Variants in PTCHD4 observed in about 807,000 individuals in gnomAD.
The protein encoded by PTCHD4 is patched domain containing 4.
A neutral mutation model predicts 58.1 loss-of-function variants in PTCHD4; 33 were observed. The observed-to-expected ratio is 0.57, with a 90% CI of 0.43 to 0.76. The LOEUF (loss-of-function observed/expected upper bound fraction) is 0.76. Among genes scored for constraint, PTCHD4 ranks in the 30% least tolerant of loss-of-function variants. The probability of loss-of-function intolerance (pLI) is 0.00; values close to 1 mark genes in which losing one functional copy is unlikely to be tolerated. For missense variants in PTCHD4, 1,058 were observed against 1,027.1 expected (o/e 1.03, Z -0.41); for synonymous variants, 478 against 409.6 (o/e 1.17, Z -2.02).
intron 1 of PTCHD4, among the ~76,000 whole-genome samples, chr6:48,083,274 T>C (rs1765200647): frequency 1.3e-5 from 2 of 151,904 alleles, no homozygotes; most frequent in South Asian, 4.1e-4. Context: ...TGGGTAACTA[T>C]ATAACAAGAG....
intron 3 of PTCHD4, among the ~76,000 whole-genome samples, chr6:48,064,009 G>A (rs1413233200): frequency 3.9e-5 from 6 of 152,146 alleles, no homozygotes; most frequent in East Asian, 1.9e-4. Flanking sequence ...TAAGAAGCAG[G>A]AAAGTCTATC....
intron 4 of PTCHD4, among the ~76,000 whole-genome samples, chr6:47,893,590 T>C (rs1309209082): frequency 6.6e-6 from 1 of 152,250 alleles, no homozygotes; most frequent in Non-Finnish European, 1.5e-5. Flanking sequence ...AACTACTCCA[T>C]GGCTCGATTT....
chr6:48,098,216 C>T (rs1055307326), intron 1 of PTCHD4, among the ~76,000 whole-genome samples: 12 of 152,002 alleles, frequency 7.9e-5, no homozygotes, highest in African/African-American at 1.4e-4. Context: ...ACTGAAGTTC[C>T]GATGCAAGGT....
intron 3 of PTCHD4, among the ~76,000 whole-genome samples, chr6:48,059,245 T>C (rs1174263563): frequency 6.6e-6 from 1 of 152,174 alleles, no homozygotes; most frequent in Non-Finnish European, 1.5e-5. Flanking sequence ...GATTCTTAGA[T>C]GATTATTAGA....
intron 4 of PTCHD4, among the ~76,000 whole-genome samples, chr6:47,880,255 A>G (rs1460285409): frequency 2.0e-5 from 3 of 152,208 alleles, no homozygotes; most frequent in Non-Finnish European, 4.4e-5. Flanking sequence ...GTCTTCCTAA[A>G]TAGACAGTTT....
At position 47,868,110 on chromosome 6, in the gene PTCHD4, T is replaced by TA. The variant is rs992414863; in HGVS notation, c.*10192dup. Among the ~76,000 whole-genome samples, 18 of 151,522 alleles carry TA rather than the reference T, an allele frequency of 1.2e-4. No homozygotes were observed. Among genetic ancestry groups the TA allele is most frequent in the East Asian group, 2.0e-4 (1 of 5,128 alleles). ...ACTAAGCTAATGAACAGAAACTAAA[T>TA]AAAAAAAAGGTTTCAGTTCAGTTGT... On this transcript the variant is annotated 3_prime_UTR_variant, in exon 5 of 5. Coordinates refer to ENST00000339488, the MANE Select transcript of PTCHD4 (RefSeq NM_001384253.1).
At chr6:47,951,291 T>C (rs993510544) in intron 4 of PTCHD4, among the ~76,000 whole-genome samples, 8 of 152,302 alleles carry the variant, frequency 5.3e-5, no homozygotes, top group African/African-American at 1.9e-4. Flanking sequence ...TTATCACTCC[T>C]AGCCCAAAGG....
intron 4 of PTCHD4, chr6:47,901,649 C>T: frequency 1.8e-6 from 2 of 1,126,978 alleles, no homozygotes; most frequent in Admixed American, 4.1e-5. Flanking sequence ...AGACACACAG[C>T]TGTTAAGCAC....
chr6:47,913,071 A>G (rs1765120673), intron 4 of PTCHD4, among the ~76,000 whole-genome samples: 1 of 152,062 alleles, frequency 6.6e-6, no homozygotes, highest in African/African-American at 2.4e-5. Context: ...TATTTGTTAA[A>G]AACTTGAGTT....
chr6:47,982,390 GTCCT>G (rs1056793014), intron 4 of PTCHD4, among the ~76,000 whole-genome samples: 2 of 150,860 alleles, frequency 1.3e-5, no homozygotes. Context: ...TGCCTGTCAT[GTCCT>G]AAACAGTCCT....
At position 48,008,636 on chromosome 6, in the gene PTCHD4, A is replaced by G; in HGVS notation, c.896T>C (p.Met299Thr). 1.2e-5 allele frequency: 20 copies of G among 1,612,604 alleles called. No homozygotes were observed. Among genetic ancestry groups the G allele is most frequent in the Non-Finnish European group, 1.7e-5 (20 of 1,179,218 alleles). ...TTACCACAAGGATGGATAGTTACCC[A>G]TGGCGAAGAACGGGATTCCCAGCAG... ...STLLGIPFFA[M>T]GHGTKGVFEL... The change falls in exon 4 of 5, where the codon ATG (methionine) becomes ACG (threonine). Residue 299 changes from methionine to threonine, a missense_variant and splice_region_variant. By Grantham distance (81) the Met-to-Thr change is moderately conservative. Coordinates refer to ENST00000339488, the MANE Select transcript of PTCHD4 (RefSeq NM_001384253.1).
chr6:47,870,022 T>A lies in PTCHD4; in HGVS notation c.*8281A>T, dbSNP rs1374511364. ...GTGATTGTGATTTTAAAAGACCTCATATTTGACCCTAAGAACTATAGAATA... is the reference window on the plus strand; with the variant it reads ...GTGATTGTGATTTTAAAAGACCTCAAATTTGACCCTAAGAACTATAGAATA... On this transcript the variant is annotated 3_prime_UTR_variant, in exon 5 of 5. Coordinates refer to ENST00000339488, the MANE Select transcript of PTCHD4 (RefSeq NM_001384253.1). 1.3e-5 allele frequency among the ~76,000 whole-genome samples: 2 copies of A among 151,660 alleles called. No individual in the cohort carries two copies. Among genetic ancestry groups the A allele is most frequent in the African/African-American group, 2.4e-5 (1 of 41,386 alleles).
intron 4 of PTCHD4, among the ~76,000 whole-genome samples, chr6:47,925,087 A>T (rs1297464112): frequency 1.3e-5 from 2 of 150,090 alleles, no homozygotes; most frequent in South Asian, 4.2e-4. Context: ...AAGCACTTAC[A>T]ACCAGACATT....
chr6:48,037,337 G>C (rs1763676560), intron 3 of PTCHD4, among the ~76,000 whole-genome samples: 1 of 152,116 alleles, frequency 6.6e-6, no homozygotes, highest in African/African-American at 2.4e-5. Context: ...AGTATATACA[G>C]GGTTTGGTAC....
intron 3 of PTCHD4, among the ~76,000 whole-genome samples, chr6:48,020,759 G>T (rs1763038283): frequency 6.6e-6 from 1 of 152,020 alleles, no homozygotes; most frequent in Admixed American, 6.6e-5. Context: ...ACGTGCTGGG[G>T]CTGCAAAACT....
rs144105703 is a variant in PTCHD4 at position 47,878,371 on chromosome 6, G to A, written c.2464C>T (p.Arg822Ter). ...CATTCAATTTCCTCTCTCTCCTTTCGCTTGGCACGTTTCTTTTTCTTGTGG... is the reference window on the plus strand; with the variant it reads ...CATTCAATTTCCTCTCTCTCCTTTCACTTGGCACGTTTCTTTTTCTTGTGG... ...KHHKKKKRAKRKEREEIECIE... is the reference protein window; with the variant it reads ...KHHKKKKRAK Residue 822 changes from arginine to a stop codon, truncating the protein, a stop_gained, in exon 5 of 5, where the codon CGA (arginine) becomes TGA (stop). Transcript: ENST00000339488. LOFTEE classifies it high-confidence loss of function. 16 of 1,611,950 alleles carry A rather than the reference G, an allele frequency of 9.9e-6. No individual in the cohort carries two copies. Among genetic ancestry groups the A allele is most frequent in the Admixed American group, 5.0e-5 (3 of 59,718 alleles).
rs531646069 is a variant in PTCHD4 at position 47,963,305 on chromosome 6, T to A, written c.898+45329A>T. 2.6e-5 allele frequency among the ~76,000 whole-genome samples: 4 copies of A among 152,204 alleles called. No homozygotes were observed. In the East Asian group the frequency reaches 7.7e-4, roughly 29 times the overall value. On this transcript the variant is annotated intron_variant, in intron 4 of 4. Coordinates refer to ENST00000339488, the MANE Select transcript of PTCHD4 (RefSeq NM_001384253.1). ...AGATATCACCTCACATCTGTTAGGA[T>A]GCCTGCTATTAAAAATAAATAAATA...
At chr6:48,088,288 T>C (rs575078766) in intron 1 of PTCHD4, among the ~76,000 whole-genome samples, 1 of 152,316 alleles carries the variant, frequency 6.6e-6, no homozygotes, top group East Asian at 1.9e-4. Context: ...TTTTTCTCTC[T>C]TAACATAATT....
At chr6:48,006,197 G>A (rs1762433891) in intron 4 of PTCHD4, among the ~76,000 whole-genome samples, 1 of 152,152 alleles carries the variant, frequency 6.6e-6, no homozygotes, top group Non-Finnish European at 1.5e-5. Context: ...ACACTGTGAA[G>A]GGTTTATTTA....
Sources: allele counts gnomAD v4.1 joint callset (sites outside exome capture counted in the v4.1 genomes callset), GRCh38; gene constraint gnomAD v4.1.1; transcripts MANE v1.5; gene names NCBI Gene and HGNC (gene_info 2026-07-23, HGNC 2026-07-21).